Variants in FAM135B observed in about 807,000 individuals in gnomAD.
The protein encoded by FAM135B is protein FAM135B.
Under a neutral mutation model 127.7 loss-of-function variants are expected in FAM135B, and 43 were observed. The ratio of observed to expected loss-of-function variants is 0.34; its 90% CI spans 0.26 to 0.43. The LOEUF (loss-of-function observed/expected upper bound fraction) is 0.43. FAM135B is among the 20% of genes least tolerant of loss of function. The pLI is 1.00. For missense variants in FAM135B, 1,558 were observed against 1,725.6 expected (o/e 0.90, Z 1.72); for synonymous variants, 670 against 665.1 (o/e 1.01, Z -0.11).
At chr8:138,212,079 C>A (rs1056393703) in intron 7 of FAM135B, among the ~76,000 whole-genome samples, 1 of 152,086 alleles carries the variant, frequency 6.6e-6, no homozygotes, top group Non-Finnish European at 1.5e-5. Flanking sequence ...TAAATAAATA[C>A]AATAAAATAG....
rs573520420 is a variant in FAM135B, at chr8:138,168,127, G to C, written c.1104-78C>G. 3.4e-6 allele frequency: 5 copies of C among 1,463,144 alleles called. No individual in the cohort carries two copies. In the South Asian group the frequency reaches 6.9e-5, roughly 20 times the overall value. The allele number at this position is 1,463,144 out of a possible 1,614,324, so 90.6% of individuals were successfully genotyped here. On this transcript the variant is annotated intron_variant, in intron 11 of 19. Transcript: ENST00000395297. ...ACCGTTGCCCCCTCTTCCTAATCCC[G>C]GGAAAATACTCGGTTCTCAGCTGAC...
At chr8:138,206,278 C>G (rs994493988) in intron 7 of FAM135B, among the ~76,000 whole-genome samples, 2 of 89,528 alleles carry the variant, frequency 2.2e-5, no homozygotes, top group Admixed American at 1.1e-4. Context: ...TCATCCCCTC[C>G]ACCTACGCAC....
intron 12 of FAM135B, among the ~76,000 whole-genome samples, chr8:138,154,142 C>T (rs763086767): frequency 6.6e-6 from 1 of 152,172 alleles, no homozygotes; most frequent in Non-Finnish European, 1.5e-5. Flanking sequence ...ATTTGCTGTT[C>T]TGCAGCCTCC....
chr8:138,265,411 G>A (rs1822838001), intron 4 of FAM135B, among the ~76,000 whole-genome samples: 2 of 152,150 alleles, frequency 1.3e-5, no homozygotes, highest in African/African-American at 4.8e-5. Context: ...CATTGACAGA[G>A]GGCCTGAACA....
chr8:138,340,592 C>A (rs549505695), intron 2 of FAM135B, among the ~76,000 whole-genome samples: 1 of 152,268 alleles, frequency 6.6e-6, no homozygotes, highest in South Asian at 2.1e-4. Flanking sequence ...CTGACCTAGG[C>A]ATTGAGTACT....
rs575327904 is a variant in FAM135B at position 138,451,795 on chromosome 8, A to G, written c.-20+44876T>C. 2.0e-5 allele frequency among the ~76,000 whole-genome samples: 3 copies of G among 151,716 alleles called. No individual in the cohort carries two copies. In the East Asian group the frequency reaches 5.8e-4, roughly 29 times the overall value. On this transcript the variant is annotated intron_variant, in intron 1 of 19. Transcript: ENST00000395297. ...CCCCAACAGTGCCTGACACAGATAA[A>G]TGTCCAAAAATATTGGGTAAAAAGA...
At chr8:138,462,587 C>A (rs369026014) in intron 1 of FAM135B, among the ~76,000 whole-genome samples, 50 of 152,278 alleles carry the variant, frequency 3.3e-4, no homozygotes, top group Middle Eastern at 3.4e-3. Context: ...AATGCCAGGA[C>A]AACTGAGCCA....
intron 1 of FAM135B, among the ~76,000 whole-genome samples, chr8:138,458,031 T>C (rs1473950124): frequency 6.6e-6 from 1 of 150,464 alleles, no homozygotes; most frequent in Admixed American, 6.6e-5. Context: ...CACACGCCTA[T>C]AGTCTAGCTA....
At chr8:138,312,136 G>A (rs376247215) in intron 2 of FAM135B, among the ~76,000 whole-genome samples, 3 of 152,070 alleles carry the variant, frequency 2.0e-5, no homozygotes, top group East Asian at 3.9e-4. Context: ...TAGTAGAGAC[G>A]GGGTTTCACC....
intron 12 of FAM135B, among the ~76,000 whole-genome samples, chr8:138,166,133 T>C (rs1457052837): frequency 6.6e-6 from 1 of 152,222 alleles, no homozygotes; most frequent in Non-Finnish European, 1.5e-5. Flanking sequence ...TACATGCTTA[T>C]ACTTAGTGCC....
chr8:138,197,626 T>A lies in FAM135B; in HGVS notation c.713A>T (p.His238Leu). Residue 238 changes from histidine (H) to leucine (L), a missense_variant, in exon 8 of 20, where the codon CAC (histidine) becomes CTC (leucine). Transcript: ENST00000395297. ...ITSENCMQHA[H>L]KWHRDLCLLL... The stretch of plus-strand genomic sequence containing the variant: ...CAGGCACAGGTCTCGGTGCCACTTG[T>A]GTGCGTGCTGCATGCAGTTCTCAGA... 1 of 1,614,192 alleles carries A rather than the reference T, an allele frequency of 6.2e-7. No individual in the cohort carries two copies.
chr8:138,309,475 C>T (rs74374445), intron 3 of FAM135B, among the ~76,000 whole-genome samples: 3,414 of 152,276 alleles, frequency 0.022, 117 homozygotes, highest in East Asian at 0.14. Flanking sequence ...AGCCAGTGGC[C>T]ATCAGTGTCT....
At chr8:138,425,972 T>TATATATATAC (rs1834823899) in intron 1 of FAM135B, among the ~76,000 whole-genome samples, 1 of 7,480 alleles carries the variant, frequency 1.3e-4, no homozygotes, top group African/African-American at 1.8e-3. Context: ...AACATATATA[T>TATATATATAC]ATATATATAT....
intron 3 of FAM135B, among the ~76,000 whole-genome samples, chr8:138,301,430 C>T (rs1264251255): frequency 6.6e-6 from 1 of 152,170 alleles, no homozygotes; most frequent in Admixed American, 6.5e-5. Flanking sequence ...CATGGTGTTC[C>T]ACTGATATTC....
rs534407779 is a variant in FAM135B, at chr8:138,371,373, C to A, written c.-19-3371G>T. Among the ~76,000 whole-genome samples, 11 of 152,238 alleles carry A rather than the reference C, an allele frequency of 7.2e-5. No homozygotes were observed. The South Asian group carries it at 2.3e-3, about 32-fold the overall frequency. The stretch of plus-strand genomic sequence containing the variant: ...ATACACACAAACACACAGATACATA[C>A]AATATGCATTGATAAAACACACACA... On this transcript the variant is annotated intron_variant, in intron 1 of 19. Coordinates refer to ENST00000395297, the MANE Select transcript of FAM135B (RefSeq NM_015912.4).
chr8:138,347,269 T>C (rs1200883932), intron 2 of FAM135B, among the ~76,000 whole-genome samples: 2 of 152,212 alleles, frequency 1.3e-5, no homozygotes, highest in African/African-American at 2.4e-5. Flanking sequence ...GCTTTCTATA[T>C]GAAAGGCTGG....
chr8:138,317,011 C>A (rs917038832), intron 2 of FAM135B, among the ~76,000 whole-genome samples: 2 of 151,906 alleles, frequency 1.3e-5, no homozygotes, highest in African/African-American at 4.8e-5. Context: ...ATACAACTGT[C>A]AAACAACCCA....
At chr8:138,433,562 TA>T (rs1554691971) in intron 1 of FAM135B, among the ~76,000 whole-genome samples, 1 of 134,994 alleles carries the variant, frequency 7.4e-6, no homozygotes, top group Non-Finnish European at 1.6e-5. Context: ...AATAAATAAA[TA>T]AATAAAATAA....
chr8:138,229,474 A>G (rs1301463358), intron 7 of FAM135B, among the ~76,000 whole-genome samples: 2 of 151,666 alleles, frequency 1.3e-5, no homozygotes, highest in Non-Finnish European at 2.9e-5. Context: ...TTATAGTCAC[A>G]GTAGGTTAGA....
Sources: allele counts gnomAD v4.1 joint callset (sites outside exome capture counted in the v4.1 genomes callset), GRCh38; gene constraint gnomAD v4.1.1; transcripts MANE v1.5; gene names NCBI Gene and HGNC (gene_info 2026-07-23, HGNC 2026-07-21).